MMEL1: variants seen among roughly 807,000 people sequenced by gnomAD.
MMEL1 encodes the protein membrane metallo-endopeptidase-like 1.
Under a neutral mutation model 117.1 loss-of-function variants are expected in MMEL1, and 98 were observed. The observed-to-expected ratio is 0.84, with a 90% CI of 0.71 to 0.99. MMEL1 has a LOEUF of 0.99. Among genes scored for constraint, MMEL1 ranks in the 50% least tolerant of loss-of-function variants. MMEL1 has a pLI of 0.00. For synonymous variants in MMEL1, 390 were observed against 415.1 expected (o/e 0.94, Z 0.74); for missense variants, 1,014 against 1,049.1 (o/e 0.97, Z 0.46).
Position 2,598,260 on chromosome 1 carries a change from G to C in MMEL1, c.1219C>G (p.Arg407Gly), listed in dbSNP as rs772044330. 6.2e-7 allele frequency: 1 copy of C among 1,614,108 alleles called. No homozygotes were observed. Residue 407 changes from arginine to glycine, a missense_variant, in exon 13 of 24, where the codon CGC becomes GGC. Arg to Gly is a moderately radical substitution (Grantham distance 125). Transcript: ENST00000378412. ...AATCTCTGGCTTAGGCTACCAATGCGGTCCAGCACCAGGCGCCAGACCAGG... is the reference window on the plus strand; with the variant it reads ...AATCTCTGGCTTAGGCTACCAATGCCGTCCAGCACCAGGCGCCAGACCAGG... The part of the protein sequence containing the change: ...NYLVWRLVLD[R>G]IGSLSQRFKD...
rs1644671505 is a variant in MMEL1 at position 2,590,789 on chromosome 1, T to C, written c.*201A>G. 4.8e-6 allele frequency: 2 copies of C among 414,724 alleles called. No individual in the cohort carries two copies. Among genetic ancestry groups the C allele is most frequent in the Admixed American group, 8.7e-5 (2 of 22,956 alleles). 25.7% of individuals were successfully genotyped at this position (414,724 alleles called of 1,614,324 possible). A position where few individuals can be genotyped will look rare whatever the true frequency, so the allele number is the denominator to read the frequency against. Reference sequence around the variant, plus strand: ...CGGGTGTCTGTGGAGGGGGCTCCGGTCCAGGTACTGCACTGGACACTGCTC... The same window carrying C: ...CGGGTGTCTGTGGAGGGGGCTCCGGCCCAGGTACTGCACTGGACACTGCTC... On this transcript the variant is annotated 3_prime_UTR_variant, in exon 24 of 24. Transcript: ENST00000378412.
At position 2,592,324 on chromosome 1, in the gene MMEL1, G is replaced by A. The variant is rs1351609783; in HGVS notation, c.2068-297C>T. Among the ~76,000 whole-genome samples the A allele has an allele frequency of 1.2e-4, 7 of 58,746 alleles. 1 individual carries two copies. In the East Asian group the frequency reaches 1.5e-3, roughly 13 times the overall value. 38.5% of individuals were successfully genotyped at this position (58,746 alleles called of 152,430 possible). A position where few individuals can be genotyped will look rare whatever the true frequency, so the allele number is the denominator to read the frequency against. ...CACTGGTGCCCCCCTCCCCTGCAGCGCTGATGCCCCCCCTCCCCTGCCATG... is the reference window on the plus strand; with the variant it reads ...CACTGGTGCCCCCCTCCCCTGCAGCACTGATGCCCCCCCTCCCCTGCCATG... On this transcript the variant is annotated intron_variant, in intron 21 of 23. Coordinates refer to ENST00000378412, the MANE Select transcript of MMEL1 (RefSeq NM_033467.4).
chr1:2,629,575 G>C (rs1030954366), intron 1 of MMEL1, 54 bp from the exon 2 acceptor site: 3 of 1,362,754 alleles, frequency 2.2e-6, no homozygotes, highest in African/African-American at 3.1e-5. Flanking sequence ...CCCCGAGCCC[G>C]GCCCGAGGCT....
chr1:2,622,327 C>T (rs973638150), intron 2 of MMEL1, among the ~76,000 whole-genome samples: 7 of 152,158 alleles, frequency 4.6e-5, no homozygotes, highest in Admixed American at 1.3e-4. Flanking sequence ...ACCGGTCCTG[C>T]GGCCTTGGTT....
intron 18 of MMEL1, 93 bp downstream of exon 18, chr1:2,594,292 C>A: frequency 7.5e-7 from 1 of 1,341,754 alleles, no homozygotes; most frequent in Non-Finnish European, 1.0e-6. Context: ...GCTGGGGTGC[C>A]CCCAGGAGGA....
intron 10 of MMEL1, 70 bp from the exon 11 acceptor site, chr1:2,604,043 G>C: frequency 6.3e-7 from 1 of 1,588,164 alleles, no homozygotes; most frequent in Non-Finnish European, 8.6e-7. Flanking sequence ...CCCAGTCCCT[G>C]CCTGCTACCG....
At chr1:2,624,989 AACTC>A (rs1645347277) in intron 2 of MMEL1, among the ~76,000 whole-genome samples, 1 of 152,150 alleles carries the variant, frequency 6.6e-6, no homozygotes, top group Non-Finnish European at 1.5e-5. Context: ...ATCTCGTGAG[AACTC>A]ACTCACTATC....
At chr1:2,632,528 C>T (rs72646021) in intron 1 of MMEL1, 2,410 of 154,304 alleles carry the variant, frequency 0.016, 21 homozygotes, top group Non-Finnish European at 0.025. Flanking sequence ...CCATGTGCCC[C>T]ACGGCACACA....
intron 11 of MMEL1, among the ~76,000 whole-genome samples, chr1:2,602,099 A>C (rs1446594271): frequency 1.8e-5 from 1 of 55,662 alleles, no homozygotes. Context: ...GCACAGTGGG[A>C]CCCGAGTTGT....
In MMEL1 at chr1:2,597,830, G is replaced by A. The variant is rs1413908877; in HGVS notation, c.1272+377C>T. 3.3e-5 allele frequency among the ~76,000 whole-genome samples: 5 copies of A among 152,056 alleles called. No homozygotes were observed. In the East Asian group the frequency reaches 5.8e-4, roughly 18 times the overall value. The stretch of plus-strand genomic sequence containing the variant: ...CCCTGCCATCTTCTCCTTCCTGTCC[G>A]CTGCTGACCACGGGTCCGGCCCCTG... On this transcript the variant is annotated intron_variant, in intron 13 of 23. Transcript: ENST00000378412.
In MMEL1 at chr1:2,603,832, C is replaced by T. The variant is rs1644973178; in HGVS notation, c.1041+52G>A. On this transcript the variant is annotated intron_variant, in intron 11 of 23. Transcript: ENST00000378412. ...CTCTCAGAGGGCCGCTTCCATGTCC[C>T]CCACGAGTCTCCACCCGGCCAGTGC... The T allele has an allele frequency of 1.9e-6, 3 of 1,551,458 alleles. No individual in the cohort carries two copies. In the Admixed American group the frequency reaches 5.2e-5, roughly 27 times the overall value.
At chr1:2,615,355 A>C (rs1049096356) in intron 2 of MMEL1, among the ~76,000 whole-genome samples, 1 of 152,186 alleles carries the variant, frequency 6.6e-6, no homozygotes, top group East Asian at 1.9e-4. Context: ...CCTCTTCAAC[A>C]CATGTTACCC....
In MMEL1 at chr1:2,601,779, TG is replaced by T. The variant is rs1644935512; in HGVS notation, c.1041+2104del. Among the ~76,000 whole-genome samples, 3 of 152,228 alleles carry T rather than the reference TG, an allele frequency of 2.0e-5. No individual in the cohort carries two copies. The South Asian group carries it at 6.2e-4, about 31-fold the overall frequency. ...GACGTTCCACAAAAGGGAATGGCATTGGCCAATTGACAGGAGATGGCGTTTA... is the reference window on the plus strand; with the variant it reads ...GACGTTCCACAAAAGGGAATGGCATTGCCAATTGACAGGAGATGGCGTTTA... On this transcript the variant is annotated intron_variant, in intron 11 of 23. Transcript: ENST00000378412.
rs113973106 is a variant in MMEL1, at chr1:2,592,803, C to T, written c.2001+30G>A. 8,108 of 1,612,482 alleles carry T rather than the reference C, an allele frequency of 5.0e-3. 336 individuals are homozygous for T. In the African/African-American group the frequency reaches 0.095, roughly 19 times the overall value. On this transcript the variant is annotated intron_variant, in intron 20 of 23. Coordinates refer to ENST00000378412, the MANE Select transcript of MMEL1 (RefSeq NM_033467.4). ...GCCAGGGCTGGGGCTCCGGTACCCCCGCAGCCTGGGTGCTGGTGGCAGCGC... is the reference window on the plus strand; with the variant it reads ...GCCAGGGCTGGGGCTCCGGTACCCCTGCAGCCTGGGTGCTGGTGGCAGCGC...
At position 2,591,982 on chromosome 1, in the gene MMEL1, G is replaced by C; in HGVS notation, c.2113C>G (p.Pro705Ala). The C allele has an allele frequency of 6.2e-7, 1 of 1,613,344 alleles. No homozygotes were observed. The highest frequency in any genetic ancestry group is 1.3e-5 in the African/African-American group (1 of 75,018). ...TGCTCATGGGTGAGATCCAGGCCGG[G>C]CAGCTGCTGGTCCTTGCCACCCTCT... is the stretch of plus-strand genomic sequence containing the variant. Reference protein sequence around the residue: ...MAEGGKDQQLPGLDLTHEQLF... With the variant: ...MAEGGKDQQLAGLDLTHEQLF... The change falls in exon 22 of 24, where the codon CCC becomes GCC. Residue 705 changes from proline to alanine, a missense_variant. Coordinates refer to ENST00000378412, the MANE Select transcript of MMEL1 (RefSeq NM_033467.4).
At position 2,594,842 on chromosome 1, in the gene MMEL1, C is replaced by T; in HGVS notation, c.1636G>A (p.Val546Met). ...TTCCTGAGGCTCCGCTGGGCGCCCACCTTGAGGTTCTGCAGACTGTTCTCA... is the reference window on the plus strand; with the variant it reads ...TTCCTGAGGCTCCGCTGGGCGCCCATCTTGAGGTTCTGCAGACTGTTCTCA... ...YFENSLQNLK[V>M]GAQRSLRKLR... Residue 546 changes from valine (V) to methionine (M), a missense_variant, in exon 17 of 24, where the codon GTG becomes ATG. Coordinates refer to ENST00000378412, the MANE Select transcript of MMEL1 (RefSeq NM_033467.4). 6.2e-7 allele frequency: 1 copy of T among 1,614,040 alleles called. No individual in the cohort carries two copies. The highest frequency in any genetic ancestry group is 1.3e-5 in the African/African-American group (1 of 75,058).
chr1:2,629,319 A>T lies in MMEL1; in HGVS notation c.154+12T>A. The T allele has an allele frequency of 6.6e-7, 1 of 1,523,432 alleles. No individual in the cohort carries two copies. Among genetic ancestry groups the T allele is most frequent in the Non-Finnish European group, 8.8e-7 (1 of 1,137,584 alleles). 94.4% of individuals were successfully genotyped at this position (1,523,432 alleles called of 1,614,324 possible). A position where few individuals can be genotyped will look rare whatever the true frequency, so the allele number is the denominator to read the frequency against. ...GCACGGGGACAGGCGGGGGCGGGGC[A>T]CCCGCACTCACCTCTGCGGTCGGCG... On this transcript the variant is annotated intron_variant, in intron 2 of 23. Transcript: ENST00000378412.
intron 9 of MMEL1, 30 bp downstream of exon 9, chr1:2,605,528 C>G: frequency 6.3e-7 from 1 of 1,597,532 alleles, no homozygotes; most frequent in Non-Finnish European, 8.6e-7. Flanking sequence ...ATGGGGGGGT[C>G]ATCTGGCATT....
rs189596285 is a variant in MMEL1, at chr1:2,605,275, G to A, written c.816+283C>T. Among the ~76,000 whole-genome samples the A allele has an allele frequency of 2.3e-3, 350 of 152,330 alleles. 1 individual carries two copies. The highest frequency in any genetic ancestry group is 8.1e-3 in the African/African-American group (335 of 41,566). On this transcript the variant is annotated intron_variant, in intron 9 of 23. Coordinates refer to ENST00000378412, the MANE Select transcript of MMEL1 (RefSeq NM_033467.4). Reference sequence around the variant, plus strand: ...GGGAATCCGGTGCTGCAGAGCCTGGGTCTGTACTGACGGGAGGGGGATGAC... The same window carrying A: ...GGGAATCCGGTGCTGCAGAGCCTGGATCTGTACTGACGGGAGGGGGATGAC...
Sources: gnomAD v4.1 joint callset for allele counts (sites outside exome capture counted in the v4.1 genomes callset) on GRCh38, gnomAD v4.1.1 for gene constraint, MANE v1.5 for transcripts, NCBI Gene and HGNC (gene_info 2026-07-23, HGNC 2026-07-21) for gene names.